Variants in GPC5 observed in about 807,000 individuals in gnomAD.
GPC5 encodes glypican 5.
Under a neutral mutation model 53.9 loss-of-function variants are expected in GPC5, and 47 were observed. The ratio of observed to expected loss-of-function variants is 0.87; its 90% confidence interval spans 0.69 to 1.11. GPC5 has a LOEUF of 1.11. Among genes scored for constraint, GPC5 ranks in the 50% most tolerant of loss-of-function variants. GPC5 has a pLI of 0.00. For synonymous variants in GPC5, 286 were observed against 263.3 expected (o/e 1.09, Z -0.84); for missense variants, 748 against 713.1 (o/e 1.05, Z -0.56).
intron 6 of GPC5, among the ~76,000 whole-genome samples, chr13:92,039,374 C>T (rs545728395): frequency 3.5e-4 from 53 of 152,288 alleles, no homozygotes; most frequent in African/African-American, 1.1e-3. Context: ...ACTTCTATAA[C>T]GTTGGGATCG....
At chr13:92,084,984 A>G (rs1198408632) in intron 6 of GPC5, among the ~76,000 whole-genome samples, 1 of 152,318 alleles carries the variant, frequency 6.6e-6, no homozygotes, top group Non-Finnish European at 1.5e-5. Flanking sequence ...CTTGCTCTCT[A>G]CTTCATAGAT....
At chr13:91,740,923 A>T (rs1310038412) in intron 4 of GPC5, among the ~76,000 whole-genome samples, 3 of 152,148 alleles carry the variant, frequency 2.0e-5, no homozygotes, top group Non-Finnish European at 4.4e-5. Context: ...TGGCTGTGCC[A>T]ATTAAGTAGG....
chr13:92,043,136 A>C (rs1013395698), intron 6 of GPC5, among the ~76,000 whole-genome samples: 12 of 152,212 alleles, frequency 7.9e-5, no homozygotes, highest in Non-Finnish European at 1.5e-4. Context: ...ACAGAACATT[A>C]ATTACACAAA....
intron 2 of GPC5, among the ~76,000 whole-genome samples, chr13:91,535,380 A>G (rs1343742697): frequency 2.0e-5 from 3 of 152,168 alleles, no homozygotes; most frequent in Non-Finnish European, 4.4e-5. Context: ...GTGTTGTATT[A>G]GGAAGCTTGA....
At chr13:92,078,524 A>T (rs377393298) in intron 6 of GPC5, among the ~76,000 whole-genome samples, 2 of 152,326 alleles carry the variant, frequency 1.3e-5, no homozygotes, top group African/African-American at 4.8e-5. Flanking sequence ...AGTGTTAGCC[A>T]TGATTAGTAT....
rs74636057 is a variant in GPC5 at position 92,740,425 on chromosome 13, A to G, written c.1562-125857A>G. The stretch of plus-strand genomic sequence containing the variant: ...CTATAAGGTGAGTTGGGCTTGGCAG[A>G]TATTTTGTTACCGTGTTCTTAGCTA... On this transcript the variant is annotated intron_variant, in intron 7 of 7. Coordinates refer to ENST00000377067, the MANE Select transcript of GPC5 (RefSeq NM_004466.6). 1.2e-3 allele frequency among the ~76,000 whole-genome samples: 183 copies of G among 152,184 alleles called. 1 individual carries two copies. Among genetic ancestry groups the G allele is most frequent in the African/African-American group, 4.3e-3 (179 of 41,534 alleles).
chr13:92,084,435 G>T (rs754650222), intron 6 of GPC5, among the ~76,000 whole-genome samples: 3 of 152,182 alleles, frequency 2.0e-5, no homozygotes, highest in Admixed American at 1.3e-4. Context: ...AAGAGTTGAG[G>T]CTGGTCTTGG....
chr13:92,303,021 A>G (rs2043085822), intron 7 of GPC5, among the ~76,000 whole-genome samples: 1 of 152,142 alleles, frequency 6.6e-6, no homozygotes, highest in South Asian at 2.1e-4. Flanking sequence ...TCTAGAATTA[A>G]TTTTTATCTT....
At chr13:91,457,438 G>T (rs551323663) in intron 2 of GPC5, among the ~76,000 whole-genome samples, 2 of 151,976 alleles carry the variant, frequency 1.3e-5, no homozygotes, top group Non-Finnish European at 2.9e-5. Flanking sequence ...TTTATCATGA[G>T]ATGTTAATTT....
At chr13:91,997,621 C>A (rs531606302) in intron 6 of GPC5, among the ~76,000 whole-genome samples, 56 of 152,240 alleles carry the variant, frequency 3.7e-4, no homozygotes, top group Non-Finnish European at 6.9e-4. Context: ...CAGGTTCCAG[C>A]GATTCTCCTG....
At chr13:92,527,161 AAAGAAAGAAAG>A (rs1566276671) in intron 7 of GPC5, among the ~76,000 whole-genome samples, 23 of 124,956 alleles carry the variant, frequency 1.8e-4, no homozygotes, top group African/African-American at 7.1e-4. Context: ...AGAAAGAAAG[AAAGAAAGAAAG>A]AGAAAGAAAG....
chr13:92,343,536 G>A (rs1180436054), intron 7 of GPC5, among the ~76,000 whole-genome samples: 1 of 151,906 alleles, frequency 6.6e-6, no homozygotes, highest in Non-Finnish European at 1.5e-5. Context: ...TGACAAACTA[G>A]GCAAACTAGG....
At chr13:92,365,731 C>G (rs75761860) in intron 7 of GPC5, among the ~76,000 whole-genome samples, 3,905 of 150,142 alleles carry the variant, frequency 0.026, 93 homozygotes, top group Non-Finnish European at 0.041. Context: ...TAAGTCTACA[C>G]TGGGTCAGGA....
chr13:92,012,325 G>A (rs1417340484), intron 6 of GPC5, among the ~76,000 whole-genome samples: 1 of 151,912 alleles, frequency 6.6e-6, no homozygotes, highest in Non-Finnish European at 1.5e-5. Flanking sequence ...ATCAAAACAT[G>A]CTAATTGTAT....
chr13:92,008,817 A>C (rs543286083), intron 6 of GPC5, among the ~76,000 whole-genome samples: 32 of 152,226 alleles, frequency 2.1e-4, no homozygotes, highest in African/African-American at 6.5e-4. Context: ...TGTAATGTTT[A>C]ATATTGTCTC....
At chr13:92,308,051 A>G (rs1488333469) in intron 7 of GPC5, among the ~76,000 whole-genome samples, 1 of 152,192 alleles carries the variant, frequency 6.6e-6, no homozygotes, top group Non-Finnish European at 1.5e-5. Flanking sequence ...ATCATTTTCA[A>G]GGTAATCATT....
intron 7 of GPC5, among the ~76,000 whole-genome samples, chr13:92,267,296 C>T (rs551547193): frequency 3.1e-4 from 47 of 152,044 alleles, no homozygotes; most frequent in African/African-American, 1.0e-3. Flanking sequence ...TTATTATCTT[C>T]CAGTTTTTCT....
intron 6 of GPC5, among the ~76,000 whole-genome samples, chr13:92,040,136 C>T (rs1376391774): frequency 6.6e-6 from 1 of 152,140 alleles, no homozygotes; most frequent in African/African-American, 2.4e-5. Flanking sequence ...CAAATAACAT[C>T]ATTTTGTTCA....
intron 7 of GPC5, among the ~76,000 whole-genome samples, chr13:92,769,217 G>T (rs1727201545): frequency 6.6e-6 from 1 of 152,128 alleles, no homozygotes; most frequent in South Asian, 2.1e-4. Flanking sequence ...TGGGAAGGTT[G>T]CATCATTTCA....
Sources: gnomAD v4.1 joint callset for allele counts (sites outside exome capture counted in the v4.1 genomes callset) on GRCh38, gnomAD v4.1.1 for gene constraint, MANE v1.5 for transcripts, NCBI Gene and HGNC (gene_info 2026-07-23, HGNC 2026-07-21) for gene names.